IL7: variants seen among roughly 807,000 people sequenced by gnomAD.
The protein encoded by IL7 is interleukin 7.
In IL7, 3 loss-of-function variants were observed where a neutral mutation model predicts 21.6. The ratio of observed to expected loss-of-function variants is 0.14; its 90% CI spans 0.06 to 0.36. The LOEUF is 0.36. Ranked by LOEUF, IL7 falls within the 10% of genes least tolerant of loss-of-function variation. The pLI, the probability that IL7 is intolerant of heterozygous loss-of-function variation, is 1.00. For synonymous variants in IL7, 62 were observed against 68.1 expected, an observed-to-expected ratio of 0.91 and a Z score of 0.44; for missense variants, 175 against 200.2, an observed-to-expected ratio of 0.87 and a Z score of 0.76.
intron 2 of IL7, among the ~76,000 whole-genome samples, chr8:78,753,200 CA>C (rs1329922736): frequency 1.3e-5 from 2 of 152,190 alleles, no homozygotes; most frequent in Non-Finnish European, 2.9e-5. Flanking sequence ...CTCCTACAAA[CA>C]GTGCAAAAAC....
chr8:78,737,672 A>G (rs1471456135), intron 4 of IL7, among the ~76,000 whole-genome samples: 1 of 152,148 alleles, frequency 6.6e-6, no homozygotes, highest in Non-Finnish European at 1.5e-5. Flanking sequence ...TTTACCTTCT[A>G]TGGGAAACTA....
chr8:78,736,338 C>T (rs2130673363), intron 5 of IL7, 136 bp downstream of exon 5: 1 of 508,834 alleles, frequency 2.0e-6, no homozygotes, highest in Non-Finnish European at 3.4e-6. Context: ...GGGCACCTCG[C>T]TTCTCCTTTT....
At chr8:78,716,169 C>A (rs1811095181), downstream of IL7, among the ~76,000 whole-genome samples, 1 of 150,518 alleles carries the variant, frequency 6.6e-6, no homozygotes, top group South Asian at 2.1e-4. Flanking sequence ...GTCGCTCAGG[C>A]TGGAGTGCAG....
At chr8:78,717,821 C>G (rs551763872), downstream of IL7, 7 of 174,136 alleles carry the variant, frequency 4.0e-5, no homozygotes, top group East Asian at 9.2e-4. Flanking sequence ...TCCACAAACT[C>G]TCATACTCTA....
chr8:78,715,277 C>T (rs1811065038), downstream of IL7: 1 of 1,613,770 alleles, frequency 6.2e-7, no homozygotes. Flanking sequence ...AATCCTGCCC[C>T]AGGTGTGCTT....
intron 4 of IL7, among the ~76,000 whole-genome samples, chr8:78,680,663 T>G (rs984150315): frequency 6.6e-6 from 1 of 152,180 alleles, no homozygotes; most frequent in Non-Finnish European, 1.5e-5. Flanking sequence ...ATTCATAGAT[T>G]ATCAAATATA....
At chr8:78,768,805 A>C (rs889920137) in intron 2 of IL7, among the ~76,000 whole-genome samples, 1 of 152,070 alleles carries the variant, frequency 6.6e-6, no homozygotes, top group South Asian at 2.1e-4. Flanking sequence ...GGCAAACCGA[A>C]TCCAGCAGCA....
intron 4 of IL7, among the ~76,000 whole-genome samples, chr8:78,681,619 G>A (rs1809781571): frequency 6.6e-6 from 1 of 152,202 alleles, no homozygotes. Context: ...TAATATTGAT[G>A]CTAGATTTTT....
At chr8:78,709,300 A>G (rs1161178556) in intron 3 of IL7, among the ~76,000 whole-genome samples, 1 of 152,170 alleles carries the variant, frequency 6.6e-6, no homozygotes, top group Non-Finnish European at 1.5e-5. Flanking sequence ...TTAAGAAGTA[A>G]ATGTCTTTAG....
intron 2 of IL7, chr8:78,760,592 A>G (rs1253164005): frequency 1.8e-5 from 28 of 1,559,984 alleles, no homozygotes; most frequent in Non-Finnish European, 2.4e-5. Flanking sequence ...GAGTTGTCCC[A>G]TGACTGAGGG....
At chr8:78,752,658 A>G (rs1407044592) in intron 2 of IL7, among the ~76,000 whole-genome samples, 1 of 152,106 alleles carries the variant, frequency 6.6e-6, no homozygotes, top group Non-Finnish European at 1.5e-5. Flanking sequence ...GGCTTGTAAC[A>G]TAGGTATACA....
At position 78,805,209 on chromosome 8, in the gene IL7, C is replaced by T. The variant is rs931237723; in HGVS notation, c.-287G>A. On this transcript the variant is annotated 5_prime_UTR_variant, in exon 1 of 6. Coordinates refer to ENST00000263851, the MANE Select transcript of IL7 (RefSeq NM_000880.4). The stretch of plus-strand genomic sequence containing the variant: ...CAGTTTCTACTTTGCGCTTGGTCTG[C>T]AGGTTCAATCTTTGGGATCATCAGC... 2.7e-6 allele frequency: 1 copy of T among 373,226 alleles called. No individual in the cohort carries two copies. Among genetic ancestry groups the T allele is most frequent in the African/African-American group, 2.1e-5 (1 of 47,538 alleles). The allele number at this position is 373,226 out of a possible 1,614,324, so 23.1% of individuals were successfully genotyped here.
chr8:78,697,465 C>T (rs1277775364), intron 3 of IL7: 1 of 1,610,726 alleles, frequency 6.2e-7, no homozygotes, highest in Non-Finnish European at 8.5e-7. Flanking sequence ...TCAGGATCTT[C>T]ACGATTACCG....
At chr8:78,773,492 G>C (rs1813030122) in intron 2 of IL7, among the ~76,000 whole-genome samples, 1 of 152,144 alleles carries the variant, frequency 6.6e-6, no homozygotes, top group East Asian at 1.9e-4. Flanking sequence ...TGAGAAAACA[G>C]CAAAGGCACT....
chr8:78,681,885 T>G (rs1330294413), intron 4 of IL7, among the ~76,000 whole-genome samples: 1 of 145,404 alleles, frequency 6.9e-6, no homozygotes, highest in Non-Finnish European at 1.5e-5. Flanking sequence ...TGAGTTCTCT[T>G]TTTTCCTTTT....
At chr8:78,697,773 G>C (rs1810474424) in intron 3 of IL7, among the ~76,000 whole-genome samples, 1 of 151,414 alleles carries the variant, frequency 6.6e-6, no homozygotes. Flanking sequence ...TCGCCTCCCA[G>C]GTTCAAATGA....
Position 78,804,937 on chromosome 8 carries a change from G to A in IL7, c.-15C>T. On this transcript the variant is annotated 5_prime_UTR_variant, in exon 1 of 6. Coordinates refer to ENST00000263851, the MANE Select transcript of IL7 (RefSeq NM_000880.4). ...CCATGGAACATGGTCTGCGGGAGGC[G>A]GGCGTAGTCATGATGACCGCAACTG... The A allele has an allele frequency of 6.2e-7, 1 of 1,611,560 alleles. No homozygotes were observed. Among genetic ancestry groups the A allele is most frequent in the Non-Finnish European group, 8.5e-7 (1 of 1,178,466 alleles).
At chr8:78,780,328 G>A (rs1423371065) in intron 2 of IL7, among the ~76,000 whole-genome samples, 1 of 152,102 alleles carries the variant, frequency 6.6e-6, no homozygotes, top group African/African-American at 2.4e-5. Context: ...ATGTTAGGAT[G>A]TTGACTAGAG....
At chr8:78,703,981 G>A (rs1444747664) in intron 3 of IL7, among the ~76,000 whole-genome samples, 2 of 152,144 alleles carry the variant, frequency 1.3e-5, no homozygotes, top group African/African-American at 2.4e-5. Context: ...AGGTCTGGTG[G>A]TAACAAATTC....
Sources: allele counts gnomAD v4.1 joint callset (sites outside exome capture counted in the v4.1 genomes callset), GRCh38; gene constraint gnomAD v4.1.1; transcripts MANE v1.5; gene names NCBI Gene and HGNC (gene_info 2026-07-23, HGNC 2026-07-21).